PRKCQ: variants seen among roughly 807,000 people sequenced by gnomAD.
PRKCQ encodes protein kinase C theta.
Under a neutral mutation model 91.2 loss-of-function variants are expected in PRKCQ, and 41 were observed. The observed-to-expected ratio is 0.45, with a 90% CI of 0.35 to 0.58. The LOEUF (loss-of-function observed/expected upper bound fraction) is 0.58, where lower values mean the gene tolerates loss of function less well. Ranked by LOEUF, PRKCQ falls within the 20% of genes least tolerant of loss-of-function variation. The pLI, the probability that PRKCQ is intolerant of heterozygous loss-of-function variation, is 0.00. For synonymous variants in PRKCQ, 307 were observed against 316.9 expected, an observed-to-expected ratio of 0.97 and a Z score of 0.33; for missense variants, 673 against 896.5, an observed-to-expected ratio of 0.75 and a Z score of 3.18.
intron 2 of PRKCQ, among the ~76,000 whole-genome samples, 171 bp downstream of exon 2, chr10:6,514,847 G>A (rs1838671291): frequency 1.3e-5 from 2 of 152,140 alleles, no homozygotes; most frequent in Non-Finnish European, 2.9e-5. Flanking sequence ...AGTCCATCAC[G>A]AAATGTGTGT....
intron 7 of PRKCQ, among the ~76,000 whole-genome samples, chr10:6,496,085 A>G (rs1837568568): frequency 1.3e-5 from 2 of 152,026 alleles, no homozygotes; most frequent in Non-Finnish European, 1.5e-5. Flanking sequence ...GCGTGGTGGC[A>G]TATGCCCGTA....
intron 15 of PRKCQ, among the ~76,000 whole-genome samples, chr10:6,453,174 T>A (rs1275412564): frequency 2.0e-5 from 3 of 151,012 alleles, no homozygotes; most frequent in African/African-American, 7.3e-5. Flanking sequence ...AACCTACTCA[T>A]CTGACAAAGG....
chr10:6,446,283 A>G (rs1834289696), intron 15 of PRKCQ, among the ~76,000 whole-genome samples: 1 of 150,300 alleles, frequency 6.7e-6, no homozygotes, highest in Non-Finnish European at 1.5e-5. Flanking sequence ...GGATTTTACC[A>G]CGTGATGTTC....
At chr10:6,503,368 A>G (rs1838022023) in intron 4 of PRKCQ, among the ~76,000 whole-genome samples, 2 of 152,160 alleles carry the variant, frequency 1.3e-5, no homozygotes, top group African/African-American at 4.8e-5. Context: ...GAAGCACAGG[A>G]AGGTGTGAAA....
chr10:6,483,311 C>T, intron 11 of PRKCQ, 129 bp downstream of exon 11: 1 of 1,253,232 alleles, frequency 8.0e-7, no homozygotes, highest in African/African-American at 1.5e-5. Flanking sequence ...TTCAGCGCTC[C>T]CTCAGGAAAG....
chr10:6,568,913 A>T (rs900705842), intron 1 of PRKCQ, among the ~76,000 whole-genome samples: 9 of 152,110 alleles, frequency 5.9e-5, no homozygotes, highest in African/African-American at 2.2e-4. Context: ...CTTTGCAGCA[A>T]GTCACCTCCC....
the PRKCQ span, among the ~76,000 whole-genome samples, chr10:6,406,711 G>C: frequency 6.6e-6 from 1 of 152,126 alleles, no homozygotes; most frequent in Admixed American, 6.5e-5. Context: ...GTTCATTCTG[G>C]AGTAAGATGT....
chr10:6,551,307 A>C (rs1382211399), intron 1 of PRKCQ, among the ~76,000 whole-genome samples: 3 of 151,876 alleles, frequency 2.0e-5, no homozygotes, highest in Non-Finnish European at 2.9e-5. Flanking sequence ...CTCCAGCTCC[A>C]TCCACGTTTC....
intron 15 of PRKCQ, among the ~76,000 whole-genome samples, chr10:6,443,309 G>A (rs983908929): frequency 3.9e-5 from 6 of 152,302 alleles, no homozygotes; most frequent in African/African-American, 1.2e-4. Context: ...AAAATGTGCC[G>A]GTGGGTAAAT....
intron 16 of PRKCQ, among the ~76,000 whole-genome samples, chr10:6,438,662 C>T (rs753588120): frequency 3.4e-4 from 52 of 152,056 alleles, no homozygotes; most frequent in Non-Finnish European, 5.3e-4. Context: ...GTGGTGTGAT[C>T]ATGGCTCATT....
At position 6,576,205 on chromosome 10, in the gene PRKCQ, G is replaced by A. The variant is rs1028851666; in HGVS notation, c.-10+4006C>T. The stretch of plus-strand genomic sequence containing the variant: ...CTACGACCCCACAATTCTACTGCTG[G>A]GTACATACCCCAAAGAATTGAAAGC... On this transcript the variant is annotated intron_variant, in intron 1 of 17. Transcript: ENST00000263125. This position sits in a 1 kb window ranked among gnomAD's most constrained non-coding sequence, Gnocchi z 4.2. Among the ~76,000 whole-genome samples the A allele has an allele frequency of 2.0e-5, 3 of 152,074 alleles. No individual in the cohort carries two copies. The highest frequency in any genetic ancestry group is 4.8e-5 in the African/African-American group (2 of 41,396).
intron 1 of PRKCQ, among the ~76,000 whole-genome samples, chr10:6,536,734 C>T (rs1404634757): frequency 6.6e-6 from 1 of 152,102 alleles, no homozygotes; most frequent in Admixed American, 6.5e-5. Flanking sequence ...CAAAACAACC[C>T]CAAATCATCT....
intron 4 of PRKCQ, among the ~76,000 whole-genome samples, chr10:6,502,041 A>T (rs1262454831): frequency 6.6e-6 from 1 of 152,190 alleles, no homozygotes; most frequent in Admixed American, 6.5e-5. Context: ...ACAGTTCAGC[A>T]GGCATTCATT....
intron 16 of PRKCQ, among the ~76,000 whole-genome samples, chr10:6,432,880 A>G (rs1278218919): frequency 6.6e-6 from 1 of 151,732 alleles, no homozygotes; most frequent in Non-Finnish European, 1.5e-5. Flanking sequence ...GCCATGAGAT[A>G]CCCTCCCCTA....
chr10:6,425,919 C>T (rs1166377091), downstream of PRKCQ, among the ~76,000 whole-genome samples: 1 of 152,114 alleles, frequency 6.6e-6, no homozygotes, highest in Non-Finnish European at 1.5e-5. Flanking sequence ...TTATTTGTCT[C>T]CTGGTAGGGG....
chr10:6,570,048 G>GAGGA (rs1414512053), intron 1 of PRKCQ, among the ~76,000 whole-genome samples: 2 of 151,966 alleles, frequency 1.3e-5, no homozygotes, highest in African/African-American at 4.8e-5. Flanking sequence ...AAGGAGAAGA[G>GAGGA]AGGAAGGAAG....
chr10:6,477,380 G>A (rs1053126688), intron 12 of PRKCQ, among the ~76,000 whole-genome samples: 3 of 152,176 alleles, frequency 2.0e-5, no homozygotes, highest in African/African-American at 7.2e-5. Context: ...TTAGGTAAGT[G>A]CATTTATTCA....
At chr10:6,508,914 T>C (rs1017411638) in intron 3 of PRKCQ, among the ~76,000 whole-genome samples, 2 of 152,192 alleles carry the variant, frequency 1.3e-5, no homozygotes, top group Admixed American at 1.3e-4. Flanking sequence ...TGTCTCTCAA[T>C]ACGGCGTTGA....
intron 1 of PRKCQ, among the ~76,000 whole-genome samples, chr10:6,554,461 G>C (rs774640850): frequency 6.6e-6 from 1 of 152,092 alleles, no homozygotes; most frequent in East Asian, 1.9e-4. Context: ...TTAGTTTCAG[G>C]GCCTGGGGAA....
Sources: allele counts gnomAD v4.1 joint callset (sites outside exome capture counted in the v4.1 genomes callset), GRCh38; gene constraint gnomAD v4.1.1; non-coding constraint Gnocchi (gnomAD v3.1); transcripts MANE v1.5; gene names NCBI Gene and HGNC (gene_info 2026-07-23, HGNC 2026-07-21).